The following RUNX1 variants were observed in gnomAD, a reference collection of about 807,000 sequenced individuals.
The protein encoded by RUNX1 is RUNX family transcription factor 1.
Under a neutral mutation model 42.8 loss-of-function variants are expected in RUNX1, and 19 were observed. That is an observed-to-expected ratio of 0.44 (90% CI 0.31 to 0.65). The LOEUF is 0.65. RUNX1 is among the 30% of genes least tolerant of loss of function. The pLI is 0.07. For missense variants in RUNX1, 528 were observed against 672.0 expected, an observed-to-expected ratio of 0.79 and a Z score of 2.37; for synonymous variants, 271 against 289.4, an observed-to-expected ratio of 0.94 and a Z score of 0.64.
chr21:35,031,563 A>G (rs893888347), intron 2 of RUNX1, among the ~76,000 whole-genome samples: 1 of 152,248 alleles, frequency 6.6e-6, no homozygotes, highest in African/African-American at 2.4e-5. Context: ...AGATATCTGC[A>G]CTGTCATGTT....
intron 6 of RUNX1, among the ~76,000 whole-genome samples, chr21:34,845,143 T>C (rs997239752): frequency 1.3e-5 from 2 of 152,206 alleles, no homozygotes; most frequent in African/African-American, 4.8e-5. Flanking sequence ...AAGTGGCTGT[T>C]TGCCTAGACT....
chr21:34,801,267 T>C (rs1377704690), intron 7 of RUNX1, among the ~76,000 whole-genome samples: 2 of 152,096 alleles, frequency 1.3e-5, no homozygotes, highest in African/African-American at 4.8e-5. Context: ...GGGTGTGAAC[T>C]GCAGTACAGT....
chr21:34,821,831 T>C (rs761522563), intron 7 of RUNX1: 11 of 729,528 alleles, frequency 1.5e-5, no homozygotes, highest in Non-Finnish European at 2.3e-5. Context: ...GATTCTGGAA[T>C]AGGAATAACA....
chr21:35,026,508 ATTTC>A (rs1252261247), intron 2 of RUNX1, among the ~76,000 whole-genome samples: 9 of 152,150 alleles, frequency 5.9e-5, no homozygotes, highest in Admixed American at 2.0e-4. Context: ...GTCTTTCTGT[ATTTC>A]TTTCTTTCTT....
rs183485534 is a variant in RUNX1, at chr21:34,950,672, G to T, written c.59-57709C>A. Among the ~76,000 whole-genome samples the T allele has an allele frequency of 4.8e-3, 732 of 152,342 alleles. 4 individuals are homozygous for T. Among genetic ancestry groups the T allele is most frequent in the African/African-American group, 0.017 (699 of 41,570 alleles). ...GAATCACTTGAAACCAGAGGTGGAGGTTGCAGTGATCTGAGATCTTGCCAC... is the reference window on the plus strand; with the variant it reads ...GAATCACTTGAAACCAGAGGTGGAGTTTGCAGTGATCTGAGATCTTGCCAC... On this transcript the variant is annotated intron_variant, in intron 2 of 8. Coordinates refer to ENST00000675419, the MANE Select transcript of RUNX1 (RefSeq NM_001754.5).
At chr21:34,917,225 G>T (rs1054839908) in intron 2 of RUNX1, among the ~76,000 whole-genome samples, 3 of 152,152 alleles carry the variant, frequency 2.0e-5, no homozygotes, top group Non-Finnish European at 4.4e-5. Context: ...AAAGCCCATC[G>T]GCCAACTGGG....
At chr21:34,935,675 G>C (rs1220903502) in intron 2 of RUNX1, among the ~76,000 whole-genome samples, 1 of 151,806 alleles carries the variant, frequency 6.6e-6, no homozygotes, top group East Asian at 1.9e-4. Flanking sequence ...GGAGAGCTAT[G>C]CTGTGTATTG....
At chr21:34,946,953 C>A (rs2058567728) in intron 2 of RUNX1, among the ~76,000 whole-genome samples, 1 of 152,180 alleles carries the variant, frequency 6.6e-6, no homozygotes, top group Non-Finnish European at 1.5e-5. Flanking sequence ...CTGTAATGAG[C>A]TACTTCTCCT....
At chr21:34,882,690 GTTT>G (rs60688911) in intron 4 of RUNX1, among the ~76,000 whole-genome samples, 2,213 of 139,818 alleles carry the variant, frequency 0.016, 59 homozygotes, top group African/African-American at 0.054. Context: ...TATTGCTACT[GTTT>G]TTTTTTTTTT....
chr21:34,861,617 G>A (rs116289945), intron 5 of RUNX1, among the ~76,000 whole-genome samples: 114 of 152,074 alleles, frequency 7.5e-4, no homozygotes, highest in African/African-American at 2.6e-3. Context: ...CCTCTCCTCC[G>A]CATACCTGAC....
chr21:34,809,898 A>T (rs569623427), intron 7 of RUNX1, among the ~76,000 whole-genome samples: 16 of 152,282 alleles, frequency 1.1e-4, no homozygotes, highest in Admixed American at 3.9e-4. Context: ...CTAACCTATG[A>T]GTTGTCGATA....
chr21:34,923,883 GTC>G (rs1601575351), intron 2 of RUNX1, among the ~76,000 whole-genome samples: 1 of 113,150 alleles, frequency 8.8e-6, no homozygotes, highest in Non-Finnish European at 1.8e-5. Context: ...GCTGAGCCAT[GTC>G]TCTCGCGTTA....
chr21:34,800,118 C>T (rs1189702532), intron 7 of RUNX1, among the ~76,000 whole-genome samples: 1 of 152,112 alleles, frequency 6.6e-6, no homozygotes, highest in Admixed American at 6.5e-5. Flanking sequence ...TTCAGGACTT[C>T]GAGTTTGCAA....
chr21:34,974,045 G>A (rs999234710), intron 2 of RUNX1, among the ~76,000 whole-genome samples: 3 of 152,134 alleles, frequency 2.0e-5, no homozygotes, highest in African/African-American at 4.8e-5. Context: ...CACGTAGATG[G>A]AGCTTTAGGC....
chr21:34,911,214 G>A (rs1053538933), intron 2 of RUNX1, among the ~76,000 whole-genome samples: 1 of 152,184 alleles, frequency 6.6e-6, no homozygotes, highest in Non-Finnish European at 1.5e-5. Context: ...CAGGACCCAG[G>A]AGAAGAAGAG....
intron 2 of RUNX1, among the ~76,000 whole-genome samples, chr21:35,027,130 G>C (rs1449890528): frequency 1.3e-5 from 2 of 152,180 alleles, no homozygotes; most frequent in African/African-American, 4.8e-5. Context: ...AGAAGGGCAG[G>C]GTGGAGGGGC....
chr21:34,823,449 T>TTTTTTTTTG (rs2056940539), intron 7 of RUNX1, among the ~76,000 whole-genome samples: 5 of 51,260 alleles, frequency 9.8e-5, no homozygotes, highest in Non-Finnish European at 2.4e-4. Context: ...TTTTTTTTTT[T>TTTTTTTTTG]TTTTTTTTTT....
At chr21:34,872,792 T>C (rs769646336) in intron 5 of RUNX1, among the ~76,000 whole-genome samples, 12 of 152,140 alleles carry the variant, frequency 7.9e-5, no homozygotes, top group Non-Finnish European at 1.6e-4. Context: ...CCCTGGCCTC[T>C]ACTTACTAGA....
intron 2 of RUNX1, among the ~76,000 whole-genome samples, chr21:34,994,788 GT>G (rs1172277950): frequency 1.3e-5 from 2 of 152,212 alleles, no homozygotes; most frequent in African/African-American, 4.8e-5. Context: ...GACTTTTGTG[GT>G]TGTAGTTAAA....
Sources: allele counts gnomAD v4.1 joint callset (sites outside exome capture counted in the v4.1 genomes callset), GRCh38; gene constraint gnomAD v4.1.1; transcripts MANE v1.5; gene names NCBI Gene and HGNC (gene_info 2026-07-23, HGNC 2026-07-21).